FGD6: variants seen among roughly 807,000 people sequenced by gnomAD.
The protein encoded by FGD6 is FYVE, RhoGEF and PH domain-containing protein 6.
Under a neutral mutation model 149.4 loss-of-function variants are expected in FGD6, and 90 were observed. The observed-to-expected ratio is 0.60, with a 90% CI of 0.51 to 0.72. The LOEUF is 0.72. Ranked by LOEUF, FGD6 falls within the 30% of genes least tolerant of loss-of-function variation. The probability of loss-of-function intolerance (pLI) is 0.00; values close to 1 mark genes in which losing one functional copy is unlikely to be tolerated. For missense variants in FGD6, 1,437 were observed against 1,684.8 expected, an observed-to-expected ratio of 0.85 and a Z score of 2.57; for synonymous variants, 527 against 584.0, an observed-to-expected ratio of 0.90 and a Z score of 1.41.
At chr12:95,172,495 ATAAGTTT>A in intron 3 of FGD6, 98 bp downstream of exon 3, 22 of 1,045,258 alleles carry the variant, frequency 2.1e-5, no homozygotes, top group Non-Finnish European at 2.9e-5. Flanking sequence ...AAAGTGTTTT[ATAAGTTT>A]TAAGAAAACT....
At chr12:95,205,627 G>GTAATT (rs1232906635) in intron 2 of FGD6, among the ~76,000 whole-genome samples, 3 of 152,202 alleles carry the variant, frequency 2.0e-5, no homozygotes, top group Non-Finnish European at 4.4e-5. Context: ...TACCAAACAG[G>GTAATT]ACCCTTTGAG....
At chr12:95,121,653 T>G (rs912931485) in intron 8 of FGD6, among the ~76,000 whole-genome samples, 5 of 151,824 alleles carry the variant, frequency 3.3e-5, no homozygotes, top group Non-Finnish European at 7.4e-5. Context: ...CTTAATTTGT[T>G]TTTCAAATTA....
rs1161258867 is a variant in FGD6 at position 95,107,013 on chromosome 12, T to G, written c.3358A>C (p.Thr1120Pro). ...FLFNDALLYTTPVQSGMYKLN... is the reference protein window; with the variant it reads ...FLFNDALLYTPPVQSGMYKLN... ...TTATACATCCCAGACTGCACTGGTG[T>G]TGTATACAGCAGGGCATCATTAAAC... Residue 1120 changes from threonine to proline, a missense_variant, in exon 13 of 21, where the codon ACA becomes CCA. Thr to Pro is a conservative substitution (Grantham distance 38). Coordinates refer to ENST00000343958, the MANE Select transcript of FGD6 (RefSeq NM_018351.4). The G allele has an allele frequency of 1.9e-6, 3 of 1,613,336 alleles. No individual in the cohort carries two copies. Among genetic ancestry groups the G allele is most frequent in the Non-Finnish European group, 2.5e-6 (3 of 1,179,650 alleles).
intron 2 of FGD6, among the ~76,000 whole-genome samples, chr12:95,188,382 C>CGTGTGT (rs71078619): frequency 1.6e-4 from 24 of 150,816 alleles, no homozygotes; most frequent in Middle Eastern, 3.2e-3. Flanking sequence ...AAGCACCATC[C>CGTGTGT]GTGTGTGTGT....
At chr12:95,173,092 G>C (rs1314821584) in intron 2 of FGD6, among the ~76,000 whole-genome samples, 5 of 152,252 alleles carry the variant, frequency 3.3e-5, no homozygotes, top group African/African-American at 1.2e-4. Flanking sequence ...TACCATAAAA[G>C]GCTGCCAGGT....
intron 8 of FGD6, among the ~76,000 whole-genome samples, chr12:95,119,766 A>C (rs974118661): frequency 2.0e-5 from 3 of 152,184 alleles, no homozygotes; most frequent in Non-Finnish European, 4.4e-5. Context: ...ACCTGTCTCT[A>C]CTAATTAGCT....
intron 16 of FGD6, 111 bp downstream of exon 16, chr12:95,092,588 T>C: frequency 9.1e-7 from 1 of 1,097,254 alleles, no homozygotes; most frequent in Middle Eastern, 3.2e-4. Flanking sequence ...ATAATAATAG[T>C]TATTGTTATT....
At chr12:95,113,774 A>G (rs1268832350) in intron 8 of FGD6, 73 bp from the exon 9 acceptor site, 17 of 935,134 alleles carry the variant, frequency 1.8e-5, no homozygotes, top group Admixed American at 4.9e-5. Flanking sequence ...TTCTTTTTCA[A>G]TACTTCATTA....
At chr12:95,152,295 C>G (rs1277434192) in intron 5 of FGD6, among the ~76,000 whole-genome samples, 1 of 151,760 alleles carries the variant, frequency 6.6e-6, no homozygotes, top group African/African-American at 2.4e-5. Flanking sequence ...ACCACTGCAC[C>G]CTAGCCTGGG....
At position 95,195,410 on chromosome 12, in the gene FGD6, CCT is replaced by C. The variant is rs561960316; in HGVS notation, c.2441+13431_2441+13432del. Among the ~76,000 whole-genome samples the C allele has an allele frequency of 3.9e-5, 6 of 152,054 alleles. No individual in the cohort carries two copies. The South Asian group carries it at 8.3e-4, about 21-fold the overall frequency. On this transcript the variant is annotated intron_variant, in intron 2 of 20. Coordinates refer to ENST00000343958, the MANE Select transcript of FGD6 (RefSeq NM_018351.4). ...CATCACACCACTGTCCCTTGGCCAT[CCT>C]CTGTTTTGTTTTTAGCATAAAACAG...
Position 95,080,585 on chromosome 12 carries a change from A to G in FGD6, c.*935T>C, listed in dbSNP as rs1877642369. On this transcript the variant is annotated 3_prime_UTR_variant, in exon 21 of 21. Transcript: ENST00000343958. Reference sequence around the variant, plus strand: ...TATAATTATGCTTTTCTGATATAGTAATTCCAGTTCCATTTGTAATGCACA... The same window carrying G: ...TATAATTATGCTTTTCTGATATAGTGATTCCAGTTCCATTTGTAATGCACA... 1 of 152,196 alleles carries G rather than the reference A, an allele frequency of 6.6e-6. No homozygotes were observed. Among genetic ancestry groups the G allele is most frequent in the Non-Finnish European group, 1.5e-5 (1 of 68,022 alleles). 9.4% of individuals were successfully genotyped at this position (152,196 alleles called of 1,614,324 possible). A position where few individuals can be genotyped will look rare whatever the true frequency, so the allele number is the denominator to read the frequency against.
intron 3 of FGD6, among the ~76,000 whole-genome samples, chr12:95,166,243 G>C (rs1322531119): frequency 6.6e-6 from 1 of 152,122 alleles, no homozygotes. Flanking sequence ...TGAGTTGCTA[G>C]AAAGCCAAAT....
intron 1 of FGD6, among the ~76,000 whole-genome samples, chr12:95,216,841 T>C (rs551954026): frequency 6.6e-6 from 1 of 152,324 alleles, no homozygotes; most frequent in East Asian, 1.9e-4. Context: ...TTGAACACGC[T>C]GAGAACACTG....
chr12:95,167,864 C>T (rs1029822357), intron 3 of FGD6, among the ~76,000 whole-genome samples: 4 of 152,008 alleles, frequency 2.6e-5, no homozygotes, highest in Non-Finnish European at 4.4e-5. Context: ...TGTGAGCCCC[C>T]GCGCCCAGCC....
At chr12:95,121,479 ATG>A (rs58400402) in intron 8 of FGD6, among the ~76,000 whole-genome samples, 877 of 53,292 alleles carry the variant, frequency 0.016, 10 homozygotes, top group South Asian at 0.062. Flanking sequence ...ATATATATAT[ATG>A]TATATATATA....
chr12:95,186,432 A>C (rs1416062552), intron 2 of FGD6, among the ~76,000 whole-genome samples: 1 of 149,712 alleles, frequency 6.7e-6, no homozygotes, highest in African/African-American at 2.5e-5. Flanking sequence ...TCCTGACCTT[A>C]AGTGATCCTC....
At chr12:95,123,763 C>G (rs914284519) in intron 8 of FGD6, among the ~76,000 whole-genome samples, 1 of 151,998 alleles carries the variant, frequency 6.6e-6, no homozygotes, top group South Asian at 2.1e-4. Context: ...GGGGTTTCAC[C>G]GTGTTATTCA....
chr12:95,137,868 C>T (rs1879720489), intron 6 of FGD6, among the ~76,000 whole-genome samples, 190 bp from the exon 7 acceptor site: 1 of 152,152 alleles, frequency 6.6e-6, no homozygotes, highest in South Asian at 2.1e-4. Context: ...TAACTGGTCT[C>T]CCTGCTTCCA....
At chr12:95,114,822 C>T (rs1229347181) in intron 8 of FGD6, among the ~76,000 whole-genome samples, 2 of 152,072 alleles carry the variant, frequency 1.3e-5, no homozygotes, top group African/African-American at 4.8e-5. Flanking sequence ...GCTACATGGT[C>T]CCTATCAATT....
Sources: allele counts gnomAD v4.1 joint callset (sites outside exome capture counted in the v4.1 genomes callset), GRCh38; gene constraint gnomAD v4.1.1; transcripts MANE v1.5; gene names NCBI Gene and HGNC (gene_info 2026-07-23, HGNC 2026-07-21).